CNDP2: variants seen among roughly 807,000 people sequenced by gnomAD.
CNDP2 encodes cytosolic non-specific dipeptidase.
A neutral mutation model predicts 55.0 loss-of-function variants in CNDP2; 38 were observed. That is an observed-to-expected ratio of 0.69 (90% CI 0.53 to 0.90). The LOEUF (loss-of-function observed/expected upper bound fraction) is 0.90, where lower values mean the gene tolerates loss of function less well. Ranked by LOEUF, CNDP2 falls within the 40% of genes least tolerant of loss-of-function variation. The pLI is 0.00. For missense variants in CNDP2, 607 were observed against 621.7 expected (o/e 0.98, Z 0.25); for synonymous variants, 241 against 260.2 (o/e 0.93, Z 0.71).
In CNDP2 at chr18:74,523,231, C is replaced by G. The variant is rs1211928689; in HGVS notation, c.*3163C>G. The G allele has an allele frequency of 6.6e-6, 1 of 152,206 alleles. No homozygotes were observed. Among genetic ancestry groups the G allele is most frequent in the Non-Finnish European group, 1.5e-5 (1 of 68,044 alleles). 9.4% of individuals were successfully genotyped at this position (152,206 alleles called of 1,614,324 possible). A position where few individuals can be genotyped will look rare whatever the true frequency, so the allele number is the denominator to read the frequency against. On this transcript the variant is annotated 3_prime_UTR_variant, in exon 12 of 12. Transcript: ENST00000324262. ...ATGTAAACAACAATTTTGTAAAACC[C>G]TGGACTGAATGGGTCTGACTAACGG...
chr18:74,498,917 G>A (rs964115428), intron 1 of CNDP2, among the ~76,000 whole-genome samples: 11 of 152,218 alleles, frequency 7.2e-5, no homozygotes, highest in African/African-American at 2.2e-4. Flanking sequence ...AGTGCCCTGC[G>A]ATTTCATCAC....
chr18:74,518,304 C>CT, intron 9 of CNDP2, 195 bp from the exon 10 acceptor site: 1 of 529,850 alleles, frequency 1.9e-6, no homozygotes, highest in Non-Finnish European at 3.3e-6. Flanking sequence ...TCTTTCCTTA[C>CT]TCTAGTTATG....
At position 74,523,289 on chromosome 18, in the gene CNDP2, T is replaced by C. The variant is rs1479090065; in HGVS notation, c.*3221T>C. On this transcript the variant is annotated 3_prime_UTR_variant, in exon 12 of 12. Coordinates refer to ENST00000324262, the MANE Select transcript of CNDP2 (RefSeq NM_018235.3). ...TGTGAACTTGAGCCTCAGCGTCCTG[T>C]GTCAGAAGAGCACAAACCACTTTCC... The C allele has an allele frequency of 6.6e-6, 1 of 152,226 alleles. No homozygotes were observed. The highest frequency in any genetic ancestry group is 2.4e-5 in the African/African-American group (1 of 41,456). 9.4% of individuals were successfully genotyped at this position (152,226 alleles called of 1,614,324 possible).
At position 74,521,386 on chromosome 18, in the gene CNDP2, T is replaced by G. The variant is rs1980038576; in HGVS notation, c.*1318T>G. The G allele has an allele frequency of 6.6e-6, 1 of 152,126 alleles. No homozygotes were observed. The highest frequency in any genetic ancestry group is 2.4e-5 in the African/African-American group (1 of 41,390). 9.4% of individuals were successfully genotyped at this position (152,126 alleles called of 1,614,324 possible). The stretch of plus-strand genomic sequence containing the variant: ...AGTCCAGCTGGCTTAAACAAAGAAT[T>G]GATTGGCCCACTTGACATAAAAGAA... On this transcript the variant is annotated 3_prime_UTR_variant, in exon 12 of 12. Transcript: ENST00000324262.
At position 74,513,702 on chromosome 18, in the gene CNDP2, C is replaced by G. The variant is rs370693335; in HGVS notation, c.886C>G (p.Leu296Val). The G allele has an allele frequency of 1.9e-6, 3 of 1,613,898 alleles. No homozygotes were observed. The highest frequency in any genetic ancestry group is 2.5e-6 in the Non-Finnish European group (3 of 1,179,896). Reference sequence around the variant, plus strand: ...TGCCAAGGATGTGGGGGCGCAGATCCTCCTGCACAGCCACAAGGTCTGGTT... The same window carrying G: ...TGCCAAGGATGTGGGGGCGCAGATCGTCCTGCACAGCCACAAGGTCTGGTT... Reference protein sequence around the residue: ...EFAKDVGAQILLHSHKKDILM... With the variant: ...EFAKDVGAQIVLHSHKKDILM... The change falls in exon 8 of 12, where the codon CTC becomes GTC. Residue 296 changes from leucine to valine, a missense_variant. Coordinates refer to ENST00000324262, the MANE Select transcript of CNDP2 (RefSeq NM_018235.3).
rs1440118291 is a variant in CNDP2, at chr18:74,515,437, G to T, written c.904-791G>T. 4.6e-5 allele frequency among the ~76,000 whole-genome samples: 7 copies of T among 152,100 alleles called. 1 individual carries two copies. Among genetic ancestry groups the T allele is most frequent in the Non-Finnish European group, 1.0e-4 (7 of 68,004 alleles). On this transcript the variant is annotated intron_variant, in intron 8 of 11. Transcript: ENST00000324262. ...GGGAGAAGGTGGGTCTGTTTCTCCT[G>T]CCCTGACCCTCAGGCTCGTGTTTGC...
rs1979896807 is a variant in CNDP2, at chr18:74,519,042, T to C, written c.1304T>C (p.Leu435Pro). The change falls in exon 11 of 12, where the codon CTG becomes CCG. Residue 435 changes from leucine (L) to proline (P), a missense_variant. Coordinates refer to ENST00000324262, the MANE Select transcript of CNDP2 (RefSeq NM_018235.3). ...QEATGKNVML[L>P]PVGSADDGAH... ...GCCACGGGCAAGAACGTCATGCTGC[T>C]GCCTGTGGGGTCAGCGGATGACGGA... 1.2e-6 allele frequency: 2 copies of C among 1,613,952 alleles called. No homozygotes were observed. The highest frequency in any genetic ancestry group is 1.7e-5 in the Admixed American group (1 of 60,006).
chr18:74,496,536 G>C (rs1475784211), intron 1 of CNDP2, 105 bp downstream of exon 1: 2 of 152,372 alleles, frequency 1.3e-5, no homozygotes, highest in Non-Finnish European at 1.5e-5. Flanking sequence ...CCTCATTCGT[G>C]GGGGAGCGTG....
rs1979650050 is a variant in CNDP2, at chr18:74,516,133, GC to G, written c.904-94del. 1.0e-5 allele frequency: 14 copies of G among 1,370,956 alleles called. No individual in the cohort carries two copies. In the South Asian group the frequency reaches 1.9e-4, roughly 19 times the overall value. 84.9% of individuals were successfully genotyped at this position (1,370,956 alleles called of 1,614,324 possible). On this transcript the variant is annotated intron_variant, in intron 8 of 11. Transcript: ENST00000324262. The stretch of plus-strand genomic sequence containing the variant: ...CCTGGGCCAGGCCCTGTTTCATACC[GC>G]TCATTTCCCAGACAACATTCCCAGC...
rs1038965839 is a variant in CNDP2 at position 74,509,046 on chromosome 18, C to G, written c.456+118C>G. 3.8e-6 allele frequency: 3 copies of G among 794,388 alleles called. No homozygotes were observed. In the African/African-American group the frequency reaches 5.2e-5, roughly 14 times the overall value. 49.2% of individuals were successfully genotyped at this position (794,388 alleles called of 1,614,324 possible). A position where few individuals can be genotyped will look rare whatever the true frequency, so the allele number is the denominator to read the frequency against. On this transcript the variant is annotated intron_variant, in intron 5 of 11. Transcript: ENST00000324262. Reference sequence around the variant, plus strand: ...TCACAGGAAAAGATAAGACAAGCGTCCCCCAGCCCTTATCAGCACAGATGA... The same window carrying G: ...TCACAGGAAAAGATAAGACAAGCGTGCCCCAGCCCTTATCAGCACAGATGA...
Position 74,519,087 on chromosome 18 carries a change from A to T in CNDP2, c.1349A>T (p.Lys450Met), listed in dbSNP as rs1236984060. The change falls in exon 11 of 12, where the codon AAG (lysine) becomes ATG (methionine). Residue 450 changes from lysine to methionine, a missense_variant. Lys to Met is a moderately conservative substitution (Grantham distance 95). Transcript: ENST00000324262. Reference sequence around the variant, plus strand: ...GACGGAGCCCACTCCCAGAATGAAAAGCTCAACAGGTGAGAGTCCAGGGTG... The same window carrying T: ...GACGGAGCCCACTCCCAGAATGAAATGCTCAACAGGTGAGAGTCCAGGGTG... ...ADDGAHSQNE[K>M]LNRYNYIEGT... is the part of the protein sequence containing the mutation. 1.2e-6 allele frequency: 2 copies of T among 1,609,166 alleles called. No individual in the cohort carries two copies. The highest frequency in any genetic ancestry group is 2.2e-5 in the South Asian group (2 of 90,892).
At chr18:74,519,622 C>G (rs1979935333) in intron 11 of CNDP2, among the ~76,000 whole-genome samples, 1 of 152,126 alleles carries the variant, frequency 6.6e-6, no homozygotes, top group African/African-American at 2.4e-5. Flanking sequence ...GGCAGACGAT[C>G]AAGGACTAAG....
intron 9 of CNDP2, chr18:74,517,436 T>TG (rs1224380161): frequency 6.6e-6 from 1 of 152,098 alleles, no homozygotes; most frequent in African/African-American, 2.4e-5. Context: ...CCTGCTCAGA[T>TG]GTTACATTCC....
chr18:74,502,056 T>TTA (rs2144575224), intron 3 of CNDP2, among the ~76,000 whole-genome samples: 1 of 152,236 alleles, frequency 6.6e-6, no homozygotes, highest in Admixed American at 6.5e-5. Flanking sequence ...CAGCTAATTT[T>TTA]TATATTTTTT....
intron 3 of CNDP2, 67 bp downstream of exon 3, chr18:74,501,539 C>A (rs1452532362): frequency 6.6e-7 from 1 of 1,517,460 alleles, no homozygotes; most frequent in African/African-American, 1.4e-5. Flanking sequence ...TGACAAGACG[C>A]CACAAGTTCT....
At chr18:74,509,157 A>G in intron 5 of CNDP2, 1 of 510,544 alleles carries the variant, frequency 2.0e-6, no homozygotes, top group South Asian at 2.9e-5. Context: ...AGGTCACAAT[A>G]TTGGCGACTC....
chr18:74,502,512 A>G lies in CNDP2; in HGVS notation c.204+1040A>G, dbSNP rs547395293. On this transcript the variant is annotated intron_variant, in intron 3 of 11. Transcript: ENST00000324262. ...CGGGATGGGGTTTCACCATGTTTCC[A>G]GGCTGGTCTCAAACTTCTAGTCTCA... Among the ~76,000 whole-genome samples, 8 of 144,052 alleles carry G rather than the reference A, an allele frequency of 5.6e-5. No individual in the cohort carries two copies. The Admixed American group carries it at 5.9e-4, about 11-fold the overall frequency. 94.5% of individuals were successfully genotyped at this position (144,052 alleles called of 152,430 possible). A position where few individuals can be genotyped will look rare whatever the true frequency, so the allele number is the denominator to read the frequency against.
chr18:74,500,619 A>G (rs959501993), intron 2 of CNDP2, among the ~76,000 whole-genome samples: 1 of 152,238 alleles, frequency 6.6e-6, no homozygotes, highest in African/African-American at 2.4e-5. Flanking sequence ...AAAATAAACC[A>G]TGTGACATTT....
intron 1 of CNDP2, among the ~76,000 whole-genome samples, chr18:74,498,864 G>A (rs1430908223): frequency 6.6e-6 from 1 of 152,170 alleles, no homozygotes; most frequent in Non-Finnish European, 1.5e-5. Context: ...AGAAGGCAGT[G>A]GTTGGATGTC....
Sources: allele counts gnomAD v4.1 joint callset (sites outside exome capture counted in the v4.1 genomes callset), GRCh38; gene constraint gnomAD v4.1.1; transcripts MANE v1.5; gene names NCBI Gene and HGNC (gene_info 2026-07-23, HGNC 2026-07-21).